The following WFDC3 variants were observed in gnomAD, a reference collection of about 807,000 sequenced individuals.
WFDC3 encodes the protein WAP four-disulfide core domain protein 3.
WFDC3 carries 15 observed loss-of-function variants against 25.8 expected under a neutral mutation model. The observed-to-expected ratio is 0.58, with a 90% CI of 0.39 to 0.89. WFDC3 has a LOEUF of 0.89. WFDC3 is among the 40% of genes least tolerant of loss of function. WFDC3 has a pLI of 0.00. For synonymous variants in WFDC3, 103 were observed against 107.1 expected (o/e 0.96, Z 0.24); for missense variants, 264 against 289.8 (o/e 0.91, Z 0.65).
rs565245312 is a variant in WFDC3, at chr20:45,779,691, C to A, written c.359-2482G>T. ...TGGTGGAAAAACCCGGTGACATAAA[C>A]ATCTCATAAAATTATGCCATGTGCC... On this transcript the variant is annotated intron_variant, in intron 4 of 6. Transcript: ENST00000243938. Among the ~76,000 whole-genome samples, 6 of 152,256 alleles carry A rather than the reference C, an allele frequency of 3.9e-5. No individual in the cohort carries two copies. In the East Asian group the frequency reaches 1.2e-3, roughly 29 times the overall value.
At chr20:45,783,886 T>C (rs971075639) in intron 4 of WFDC3, among the ~76,000 whole-genome samples, 3 of 152,120 alleles carry the variant, frequency 2.0e-5, no homozygotes, top group African/African-American at 4.8e-5. Flanking sequence ...GCTGGAGCTA[T>C]ACAAAAGTAG....
chr20:45,787,673 A>G (rs946725774), intron 4 of WFDC3, among the ~76,000 whole-genome samples, 163 bp downstream of exon 4: 15 of 151,718 alleles, frequency 9.9e-5, no homozygotes, highest in African/African-American at 3.6e-4. Context: ...TGCCCAGGCT[A>G]CATACCACAA....
chr20:45,790,998 T>C (rs1222550777), intron 1 of WFDC3: 1 of 464,220 alleles, frequency 2.2e-6, no homozygotes, highest in Admixed American at 2.4e-5. Context: ...TGGTTAGCTG[T>C]GATACCTAAT....
chr20:45,783,438 A>G (rs1980536752), intron 4 of WFDC3, among the ~76,000 whole-genome samples: 1 of 152,006 alleles, frequency 6.6e-6, no homozygotes, highest in African/African-American at 2.4e-5. Context: ...AGATCACACC[A>G]CTGCACTCCA....
At chr20:45,782,874 C>T (rs982737145) in intron 4 of WFDC3, among the ~76,000 whole-genome samples, 2 of 152,160 alleles carry the variant, frequency 1.3e-5, no homozygotes, top group African/African-American at 4.8e-5. Flanking sequence ...CCCTCAAAGG[C>T]TTCCTATTGC....
chr20:45,787,347 G>A (rs890399623), intron 4 of WFDC3, among the ~76,000 whole-genome samples: 1 of 130,382 alleles, frequency 7.7e-6, no homozygotes, highest in Non-Finnish European at 1.5e-5. Context: ...CTGGAGTGCA[G>A]TGGCATAATC....
intron 4 of WFDC3, among the ~76,000 whole-genome samples, chr20:45,787,282 CTTTTTT>C (rs1158318114): frequency 2.7e-5 from 2 of 73,686 alleles, no homozygotes; most frequent in Admixed American, 1.4e-4. Context: ...TTTCTTTTTT[CTTTTTT>C]TTTTTTTTTT....
Position 45,785,374 on chromosome 20 carries a change from G to A in WFDC3, c.358+2462C>T, listed in dbSNP as rs369806434. ...AATCCCAGCTACTCAGGAGGCTGAC[G>A]CACAAGAATGACTTGAATGTGGGAG... On this transcript the variant is annotated intron_variant, in intron 4 of 6. Transcript: ENST00000243938. Among the ~76,000 whole-genome samples, 20 of 150,780 alleles carry A rather than the reference G, an allele frequency of 1.3e-4. No homozygotes were observed. In the East Asian group the frequency reaches 2.2e-3, roughly 16 times the overall value.
chr20:45,788,966 G>A lies in WFDC3; in HGVS notation c.176C>T (p.Thr59Ile). Residue 59 changes from threonine to isoleucine, a missense_variant, in exon 3 of 7, where the codon ACA becomes ATA. Coordinates refer to ENST00000243938, the MANE Select transcript of WFDC3 (RefSeq NM_080614.2). ...LCPAEQKCCTTGCGRICRDIP... is the reference protein window; with the variant it reads ...LCPAEQKCCTIGCGRICRDIP... ...GTCTCGGCAGATCCGACCACAGCCT[G>A]TGGTGCAGCACTTCTGTTCAGCCGG... 1 of 1,613,556 alleles carries A rather than the reference G, an allele frequency of 6.2e-7. No homozygotes were observed. The highest frequency in any genetic ancestry group is 8.5e-7 in the Non-Finnish European group (1 of 1,179,848).
At chr20:45,784,072 G>T (rs529242877) in intron 4 of WFDC3, among the ~76,000 whole-genome samples, 1 of 152,346 alleles carries the variant, frequency 6.6e-6, no homozygotes, top group Non-Finnish European at 1.5e-5. Context: ...CAAAGGTACT[G>T]TGCCTGGGTG....
chr20:45,791,544 G>A (rs1205384540), intron 1 of WFDC3, among the ~76,000 whole-genome samples: 1 of 152,080 alleles, frequency 6.6e-6, no homozygotes, highest in Non-Finnish European at 1.5e-5. Flanking sequence ...TGATCCTCCC[G>A]CCTCGGCCTC....
intron 3 of WFDC3, chr20:45,788,339 C>T (rs924004964): frequency 1.8e-5 from 3 of 165,192 alleles, no homozygotes; most frequent in Non-Finnish European, 2.6e-5. Context: ...GAAAATAGTG[C>T]CTGGCAACAC....
intron 5 of WFDC3, among the ~76,000 whole-genome samples, chr20:45,776,631 AAAAAATATAT>A (rs1980185683): frequency 2.9e-5 from 2 of 69,318 alleles, no homozygotes; most frequent in African/African-American, 1.2e-4. Context: ...AGAAAAAAAA[AAAAAATATAT>A]ATATATATAT....
rs998466659 is a variant in WFDC3, at chr20:45,775,697, A to G, written c.494-95T>C. ...ACTTACACACAGAGGCTCTAGGTCA[A>G]TCAACCCCTGACCCTCACTAGACCC... is the stretch of plus-strand genomic sequence containing the variant. On this transcript the variant is annotated intron_variant, in intron 5 of 6. Transcript: ENST00000243938. The G allele has an allele frequency of 2.7e-6, 4 of 1,503,134 alleles. No homozygotes were observed. The African/African-American group carries it at 5.5e-5, about 21-fold the overall frequency. The allele number at this position is 1,503,134 out of a possible 1,614,324, so 93.1% of individuals were successfully genotyped here. A position where few individuals can be genotyped will look rare whatever the true frequency, so the allele number is the denominator to read the frequency against.
intron 4 of WFDC3, among the ~76,000 whole-genome samples, chr20:45,782,245 C>A (rs1980478840): frequency 6.6e-6 from 1 of 152,174 alleles, no homozygotes; most frequent in African/African-American, 2.4e-5. Context: ...TTCTTGATAC[C>A]CCGTCTCCCT....
chr20:45,777,493 G>A (rs1255029650), intron 4 of WFDC3, among the ~76,000 whole-genome samples: 1 of 151,856 alleles, frequency 6.6e-6, no homozygotes, highest in African/African-American at 2.4e-5. Flanking sequence ...TAGAACTACA[G>A]GCACATGCCA....
intron 1 of WFDC3, 47 bp from the exon 2 acceptor site, chr20:45,790,029 T>A: frequency 6.6e-6 from 10 of 1,505,304 alleles, no homozygotes; most frequent in Non-Finnish European, 9.2e-6. Flanking sequence ...GTGTACACCT[T>A]GCCCAGAGTA....
chr20:45,776,318 G>GTGTGTATGTA (rs58644271), intron 5 of WFDC3, among the ~76,000 whole-genome samples: 1 of 139,790 alleles, frequency 7.2e-6, no homozygotes, highest in Non-Finnish European at 1.6e-5. Context: ...GTGTGTGTGT[G>GTGTGTATGTA]TGTTTCCAGC....
At chr20:45,791,179 T>TTTG (rs1417805193) in intron 1 of WFDC3, among the ~76,000 whole-genome samples, 8 of 121,432 alleles carry the variant, frequency 6.6e-5, no homozygotes, top group African/African-American at 3.7e-4. Flanking sequence ...TATGCTTTTT[T>TTTG]TTTTTTTTTT....
Sources: allele counts gnomAD v4.1 joint callset (sites outside exome capture counted in the v4.1 genomes callset), GRCh38; gene constraint gnomAD v4.1.1; transcripts MANE v1.5; gene names NCBI Gene and HGNC (gene_info 2026-07-23, HGNC 2026-07-21).